PPWD1: variants seen among roughly 807,000 people sequenced by gnomAD.
PPWD1 encodes the protein peptidylprolyl isomerase domain and WD repeat-containing protein 1.
Under a neutral mutation model 68.8 loss-of-function variants are expected in PPWD1, and 43 were observed. That is an observed-to-expected ratio of 0.62 (90% confidence interval 0.49 to 0.81). PPWD1 has a LOEUF of 0.81. PPWD1 is among the 30% of genes least tolerant of loss of function. The probability of loss-of-function intolerance (pLI) is 0.00; values close to 1 mark genes in which losing one functional copy is unlikely to be tolerated. For missense variants in PPWD1, 672 were observed against 804.8 expected (o/e 0.83, Z 2.00); for synonymous variants, 232 against 258.7 (o/e 0.90, Z 0.99).
intron 4 of PPWD1, chr5:65,570,282 C>G (rs2150592906): frequency 1.1e-6 from 1 of 899,572 alleles, no homozygotes; most frequent in East Asian, 1.2e-4. Context: ...TCTGTCATAT[C>G]TAATTACTGG....
Position 65,566,363 on chromosome 5 carries a change from G to T in PPWD1, c.197-1150G>T, listed in dbSNP as rs559594645. Among the ~76,000 whole-genome samples the T allele has an allele frequency of 7.9e-5, 12 of 152,296 alleles. 1 individual carries two copies. In the East Asian group the frequency reaches 2.3e-3, roughly 29 times the overall value. On this transcript the variant is annotated intron_variant, in intron 1 of 10. Transcript: ENST00000261308. ...CTTCATTTCTCTGAATGATTATTAAGATTACAGCAGTTATATCCCAGTTCC... is the reference window on the plus strand; with the variant it reads ...CTTCATTTCTCTGAATGATTATTAATATTACAGCAGTTATATCCCAGTTCC...
intron 5 of PPWD1, among the ~76,000 whole-genome samples, chr5:65,575,602 T>C (rs1395170286): frequency 6.6e-6 from 1 of 152,234 alleles, no homozygotes; most frequent in African/African-American, 2.4e-5. Flanking sequence ...GGAGAGCTAT[T>C]TTTGAATGCT....
intron 1 of PPWD1, among the ~76,000 whole-genome samples, chr5:65,567,017 G>A (rs1386935026): frequency 6.6e-6 from 1 of 151,986 alleles, no homozygotes; most frequent in African/African-American, 2.4e-5. Context: ...ATGTTTAAAT[G>A]TTTCAAACAC....
chr5:65,585,143 A>T, intron 9 of PPWD1, 48 bp downstream of exon 9: 1 of 1,517,918 alleles, frequency 6.6e-7, no homozygotes, highest in Non-Finnish European at 9.1e-7. Flanking sequence ...GTATTATTAC[A>T]TAGCAAGAGA....
In PPWD1 at chr5:65,585,818, A is replaced by AG. The variant is rs1225891512; in HGVS notation, c.1615-179dup. On this transcript the variant is annotated intron_variant, in intron 9 of 10. Transcript: ENST00000261308. ...GACCTTTGCATTTATGTTTCAATCAAGGTGGTGGTTGGGCAATGGAAATAC... is the reference window on the plus strand; with the variant it reads ...GACCTTTGCATTTATGTTTCAATCAAGGGTGGTGGTTGGGCAATGGAAATAC... 1.7e-5 allele frequency: 11 copies of AG among 653,356 alleles called. No homozygotes were observed. The African/African-American group carries it at 2.2e-4, about 13-fold the overall frequency. 40.5% of individuals were successfully genotyped at this position (653,356 alleles called of 1,614,324 possible). A position where few individuals can be genotyped will look rare whatever the true frequency, so the allele number is the denominator to read the frequency against.
At chr5:65,582,958 T>G in intron 7 of PPWD1, 80 bp from the exon 8 acceptor site, 1 of 1,434,388 alleles carries the variant, frequency 7.0e-7, no homozygotes, top group South Asian at 1.5e-5. Context: ...AAGTACTTCA[T>G]TAGAAATTCT....
intron 6 of PPWD1, among the ~76,000 whole-genome samples, chr5:65,578,513 C>G (rs1753416522): frequency 6.6e-6 from 1 of 152,060 alleles, no homozygotes; most frequent in Non-Finnish European, 1.5e-5. Flanking sequence ...TGTCAGTGTT[C>G]CAGATTTGGG....
Position 65,579,407 on chromosome 5 carries a change from CATT to C in PPWD1, c.1161-16_1161-14del, listed in dbSNP as rs749528741. 2 of 1,468,444 alleles carry C rather than the reference CATT, an allele frequency of 1.4e-6. No individual in the cohort carries two copies. Among genetic ancestry groups the C allele is most frequent in the Non-Finnish European group, 1.8e-6 (2 of 1,107,036 alleles). 91.0% of individuals were successfully genotyped at this position (1,468,444 alleles called of 1,614,324 possible). On this transcript the variant is annotated splice_polypyrimidine_tract_variant and intron_variant, in intron 6 of 10. Coordinates refer to ENST00000261308, the MANE Select transcript of PPWD1 (RefSeq NM_015342.4). ...ACTTCGGTGATTCTGTTGTATAAAA[CATT>C]GTTATATTTTTAGGTGTGTGCGGAT...
chr5:65,580,833 C>A (rs373149806), intron 7 of PPWD1, among the ~76,000 whole-genome samples: 1 of 152,108 alleles, frequency 6.6e-6, no homozygotes, highest in Non-Finnish European at 1.5e-5. Context: ...TTTTTAACAT[C>A]AAGTCTGAGT....
Position 65,576,944 on chromosome 5 carries a change from T to C in PPWD1, c.1035T>C (p.Ala345=), listed in dbSNP as rs888116647. Residue 345 remains alanine, a synonymous_variant, in exon 6 of 11, where the codon GCT becomes GCC. Transcript: ENST00000261308. ...ACATGGAATTTGGCCGACGAATGGC[T>C]GTAGAACGTGAGTTGGAGAAGGTTG... ...LPDMEFGRRM[A]VERELEKVDA... 2 of 1,614,160 alleles carry C rather than the reference T, an allele frequency of 1.2e-6. No homozygotes were observed. The highest frequency in any genetic ancestry group is 2.2e-5 in the East Asian group (1 of 44,872).
chr5:65,571,674 C>A, intron 4 of PPWD1, 165 bp from the exon 5 acceptor site: 2 of 773,618 alleles, frequency 2.6e-6, no homozygotes, highest in Non-Finnish European at 1.6e-6. Context: ...AAATAAGTAA[C>A]TATTCTTAGC....
chr5:65,586,548 C>T (rs1043706677), intron 10 of PPWD1, among the ~76,000 whole-genome samples: 1 of 152,052 alleles, frequency 6.6e-6, no homozygotes, highest in African/African-American at 2.4e-5. Flanking sequence ...AGACAATTTC[C>T]CCCACATTTT....
At chr5:65,568,576 A>T (rs995851261) in intron 2 of PPWD1, among the ~76,000 whole-genome samples, 1 of 152,100 alleles carries the variant, frequency 6.6e-6, no homozygotes, top group Non-Finnish European at 1.5e-5. Context: ...AATGGATTCA[A>T]ACAGGGCAAG....
In PPWD1 at chr5:65,567,317, C is replaced by T. The variant is rs184004451; in HGVS notation, c.197-196C>T. On this transcript the variant is annotated intron_variant, in intron 1 of 10. Coordinates refer to ENST00000261308, the MANE Select transcript of PPWD1 (RefSeq NM_015342.4). ...CCTGTTGTAACTGACTAAATAATGA[C>T]GCTATTCAGTGCTCTGAAATAATAG... is the stretch of plus-strand genomic sequence containing the variant. 1,365 of 504,642 alleles carry T rather than the reference C, an allele frequency of 2.7e-3. 2 individuals carry two copies. The highest frequency in any genetic ancestry group is 3.2e-3 in the Non-Finnish European group (1,261 of 391,116). 31.3% of individuals were successfully genotyped at this position (504,642 alleles called of 1,614,324 possible). A position where few individuals can be genotyped will look rare whatever the true frequency, so the allele number is the denominator to read the frequency against.
chr5:65,570,449 A>G, intron 4 of PPWD1: 1 of 475,066 alleles, frequency 2.1e-6, no homozygotes, highest in Non-Finnish European at 2.7e-6. Context: ...TACAGTATTA[A>G]GACTGATACT....
At chr5:65,574,200 T>C (rs541038330) in intron 5 of PPWD1, among the ~76,000 whole-genome samples, 1 of 152,268 alleles carries the variant, frequency 6.6e-6, no homozygotes, top group East Asian at 1.9e-4. Context: ...GTAATATATT[T>C]CCAGACAAAT....
chr5:65,571,804 C>CTT, intron 4 of PPWD1, 35 bp from the exon 5 acceptor site: 1 of 1,583,556 alleles, frequency 6.3e-7, no homozygotes, highest in South Asian at 1.1e-5. Flanking sequence ...TTGTGCTGAC[C>CTT]TTTTTTTTTC....
chr5:65,576,570 G>T (rs1753293560), intron 5 of PPWD1, among the ~76,000 whole-genome samples: 1 of 151,926 alleles, frequency 6.6e-6, no homozygotes, highest in African/African-American at 2.4e-5. Context: ...TGGAGACGGG[G>T]TTTCACCATG....
At chr5:65,586,329 A>G in intron 10 of PPWD1, 148 bp downstream of exon 10, 1 of 852,764 alleles carries the variant, frequency 1.2e-6, no homozygotes, top group Non-Finnish European at 1.7e-6. Context: ...TCAAGAATAT[A>G]AAATTATGTG....
Sources: gnomAD v4.1 joint callset for allele counts (sites outside exome capture counted in the v4.1 genomes callset) on GRCh38, gnomAD v4.1.1 for gene constraint, MANE v1.5 for transcripts, NCBI Gene and HGNC (gene_info 2026-07-23, HGNC 2026-07-21) for gene names.